The following TINCR variants were observed in gnomAD, a reference collection of about 807,000 sequenced individuals.
The protein encoded by TINCR is TINCR ubiquitin domain containing.
At position 5,563,008 on chromosome 19, in the gene TINCR, G is replaced by C. The variant is rs1186010624; in HGVS notation, c.261-59C>G. ...GGGCTGCAGGAAGAGAGGGAGTTGGGGACCTGAGGGAACAGCATTCCAGGC... is the reference window on the plus strand; with the variant it reads ...GGGCTGCAGGAAGAGAGGGAGTTGGCGACCTGAGGGAACAGCATTCCAGGC... On this transcript the variant is annotated intron_variant, in intron 1 of 1. Coordinates refer to ENST00000646160, the Ensembl canonical transcript of TINCR. This position sits in a 1 kb window ranked among gnomAD's most constrained non-coding sequence, Gnocchi z 4.7. The C allele has an allele frequency of 6.6e-6, 1 of 152,342 alleles. No individual in the cohort carries two copies. Among genetic ancestry groups the C allele is most frequent in the Non-Finnish European group, 1.5e-5 (1 of 68,212 alleles). 9.4% of individuals were successfully genotyped at this position (152,342 alleles called of 1,614,324 possible).
At chr19:5,560,964 T>A (rs2052098899), downstream of TINCR, 1 of 154,052 alleles carries the variant, frequency 6.5e-6, no homozygotes, top group African/African-American at 2.4e-5. The surrounding 1 kb of genome is among the most constrained non-coding windows in gnomAD (Gnocchi z 4.5). Flanking sequence ...TGAGAAGACT[T>A]CCTGGAGGAG....
chr19:5,566,855 C>CAGAGAGGGAGACAGAAAAG (rs1259328682), intron 1 of TINCR, among the ~76,000 whole-genome samples: 1 of 149,616 alleles, frequency 6.7e-6, no homozygotes. Context: ...AGACAGAGAC[C>CAGAGAGGGAGACAGAAAAG]AGAGAGGGAG....
At chr19:5,558,848 T>A (rs905753344), downstream of TINCR, 5 of 152,018 alleles carry the variant, frequency 3.3e-5, no homozygotes, top group Admixed American at 3.3e-4. Flanking sequence ...GCAACTTATG[T>A]TTATCTCAGG....
intron 1 of TINCR, 120 bp downstream of exon 1, chr19:5,567,545 C>T (rs1266332426): frequency 1.9e-5 from 7 of 368,804 alleles, no homozygotes; most frequent in Non-Finnish European, 2.9e-5. Flanking sequence ...GGGCGGGCAG[C>T]GCGAGGTGGG....
exon 1 of TINCR, chr19:5,567,757 G>T (rs2052139373): frequency 5.1e-6 from 2 of 392,736 alleles, no homozygotes; most frequent in Admixed American, 4.5e-5. Flanking sequence ...CGTTGTAGTA[G>T]AAGGCGCGCT....
chr19:5,563,672 T>A lies in TINCR; in HGVS notation c.261-723A>T, dbSNP rs746650756. ...GCTCACGCGTGTAATCCCAGCACTTTGGGAGGCTGAGGTAGGCAGATCACC... is the reference window on the plus strand; with the variant it reads ...GCTCACGCGTGTAATCCCAGCACTTAGGGAGGCTGAGGTAGGCAGATCACC... On this transcript the variant is annotated intron_variant, in intron 1 of 1. Coordinates refer to ENST00000646160, the Ensembl canonical transcript of TINCR. This position sits in a 1 kb window ranked among gnomAD's most constrained non-coding sequence, Gnocchi z 4.7. Among the ~76,000 whole-genome samples the A allele has an allele frequency of 2.3e-4, 35 of 152,098 alleles. No individual in the cohort carries two copies. Among genetic ancestry groups the A allele is most frequent in the Admixed American group, 1.4e-3 (21 of 15,262 alleles).
chr19:5,561,805 G>GT (rs1391012335), downstream of TINCR: 1 of 152,096 alleles, frequency 6.6e-6, no homozygotes, highest in Admixed American at 6.6e-5. Context: ...ATCCTTTATT[G>GT]TAAGGAGACA....
chr19:5,562,144 C>A (rs1187856348), downstream of TINCR: 9 of 152,706 alleles, frequency 5.9e-5, no homozygotes, highest in Non-Finnish European at 1.3e-4. This position sits in a 1 kb window ranked among gnomAD's most constrained non-coding sequence, Gnocchi z 4.4. Context: ...CCCTCTACCC[C>A]AGCCTATTCC....
Sources: gnomAD v4.1 joint callset for allele counts (sites outside exome capture counted in the v4.1 genomes callset) on GRCh38, gnomAD v4.1.1 for gene constraint, Gnocchi (gnomAD v3.1) non-coding constraint, MANE v1.5 for transcripts, NCBI Gene and HGNC (gene_info 2026-07-23, HGNC 2026-07-21) for gene names.